CRTC3: variants seen among roughly 807,000 people sequenced by gnomAD.
The protein encoded by CRTC3 is CREB regulated transcription coactivator 3.
A neutral mutation model predicts 74.5 loss-of-function variants in CRTC3; 26 were observed. The observed-to-expected ratio is 0.35, with a 90% CI of 0.26 to 0.48. The LOEUF is 0.48. Ranked by LOEUF, CRTC3 falls within the 20% of genes least tolerant of loss-of-function variation. The pLI is 0.99. For synonymous variants in CRTC3, 377 were observed against 325.8 expected (o/e 1.16, Z -1.69); for missense variants, 760 against 787.3 (o/e 0.97, Z 0.41).
At position 90,642,929 on chromosome 15, in the gene CRTC3, T is replaced by C. The variant is rs1969501675; in HGVS notation, c.*789T>C. 4.3e-6 allele frequency: 1 copy of C among 232,986 alleles called. No homozygotes were observed. The highest frequency in any genetic ancestry group is 1.8e-4 in the South Asian group (1 of 5,538). 14.4% of individuals were successfully genotyped at this position (232,986 alleles called of 1,614,324 possible). A position where few individuals can be genotyped will look rare whatever the true frequency, so the allele number is the denominator to read the frequency against. ...GAAGACAGGGACTGCAGGTGTCTCATACTCAGTGGCCTCCAGACAAACTCC... is the reference window on the plus strand; with the variant it reads ...GAAGACAGGGACTGCAGGTGTCTCACACTCAGTGGCCTCCAGACAAACTCC... On this transcript the variant is annotated 3_prime_UTR_variant, in exon 15 of 15. Transcript: ENST00000268184.
intron 13 of CRTC3, among the ~76,000 whole-genome samples, chr15:90,640,843 G>C (rs1262825467): frequency 6.6e-6 from 1 of 152,100 alleles, no homozygotes; most frequent in African/African-American, 2.4e-5. Context: ...GTGTCTCTTG[G>C]GATGGTGTAG....
intron 7 of CRTC3, among the ~76,000 whole-genome samples, chr15:90,617,308 TTATCCAC>T (rs1447501077): frequency 1.3e-5 from 2 of 152,198 alleles, no homozygotes; most frequent in African/African-American, 4.8e-5. Flanking sequence ...TGTGTTGCCC[TTATCCAC>T]TGACTAGATT....
intron 1 of CRTC3, among the ~76,000 whole-genome samples, chr15:90,539,164 A>G (rs1199615986): frequency 6.6e-6 from 1 of 152,242 alleles, no homozygotes; most frequent in Non-Finnish European, 1.5e-5. Flanking sequence ...GCCAAGGGTT[A>G]TGTAACCATG....
intron 2 of CRTC3, among the ~76,000 whole-genome samples, chr15:90,555,400 G>A (rs114742971): frequency 0.011 from 1,733 of 152,272 alleles, 31 homozygotes; most frequent in African/African-American, 0.04. Flanking sequence ...GGTTTATGAA[G>A]AAAATGCAGA....
At chr15:90,546,028 GAGT>G (rs1567161218) in intron 2 of CRTC3, among the ~76,000 whole-genome samples, 1 of 152,156 alleles carries the variant, frequency 6.6e-6, no homozygotes, top group Non-Finnish European at 1.5e-5. Context: ...AAGTCTCGAA[GAGT>G]AGAAGTTTTA....
At chr15:90,579,416 C>T (rs1967483354) in intron 2 of CRTC3, among the ~76,000 whole-genome samples, 1 of 152,166 alleles carries the variant, frequency 6.6e-6, no homozygotes, top group Non-Finnish European at 1.5e-5. Context: ...TGGCCTGGAA[C>T]ATCCTGGCCC....
At chr15:90,536,124 TTTCTG>T in intron 1 of CRTC3, among the ~76,000 whole-genome samples, 1 of 152,230 alleles carries the variant, frequency 6.6e-6, no homozygotes, top group Non-Finnish European at 1.5e-5. Context: ...TTTAGACTCT[TTTCTG>T]TTCCAGTGAT....
chr15:90,628,756 G>A (rs1968928930), intron 10 of CRTC3, among the ~76,000 whole-genome samples: 1 of 152,014 alleles, frequency 6.6e-6, no homozygotes, highest in African/African-American at 2.4e-5. Context: ...AGTGTGCTAA[G>A]GGTAATTAAA....
rs549307214 is a variant in CRTC3 at position 90,596,466 on chromosome 15, C to T, written c.351+2711C>T. 3.9e-5 allele frequency: 6 copies of T among 152,174 alleles called. 1 individual carries two copies. The highest frequency in any genetic ancestry group is 1.4e-4 in the African/African-American group (6 of 41,502). 9.4% of individuals were successfully genotyped at this position (152,174 alleles called of 1,614,324 possible). A position where few individuals can be genotyped will look rare whatever the true frequency, so the allele number is the denominator to read the frequency against. ...CTCCTAAAGGAAGGAGAAACAAAAACCAAGTTAATATGCAGAGAAATTAAA... is the reference window on the plus strand; with the variant it reads ...CTCCTAAAGGAAGGAGAAACAAAAATCAAGTTAATATGCAGAGAAATTAAA... On this transcript the variant is annotated intron_variant, in intron 3 of 14. Coordinates refer to ENST00000268184, the MANE Select transcript of CRTC3 (RefSeq NM_022769.5).
intron 5 of CRTC3, among the ~76,000 whole-genome samples, chr15:90,605,136 G>A (rs572120647): frequency 1.3e-5 from 2 of 151,780 alleles, no homozygotes; most frequent in South Asian, 4.2e-4. Context: ...CCTGTGGTTC[G>A]AGCTACTCAG....
At chr15:90,561,977 C>G (rs549148655) in intron 2 of CRTC3, among the ~76,000 whole-genome samples, 1 of 152,312 alleles carries the variant, frequency 6.6e-6, no homozygotes, top group African/African-American at 2.4e-5. Context: ...TTTCCCTGCT[C>G]AAAGGCAATA....
intron 2 of CRTC3, among the ~76,000 whole-genome samples, chr15:90,549,212 C>G (rs1966849838): frequency 6.6e-6 from 1 of 151,992 alleles, no homozygotes; most frequent in South Asian, 2.1e-4. Flanking sequence ...TGACTACATG[C>G]TATTCTGTCA....
At chr15:90,604,825 G>T (rs1968173123) in intron 5 of CRTC3, among the ~76,000 whole-genome samples, 1 of 152,152 alleles carries the variant, frequency 6.6e-6, no homozygotes, top group African/African-American at 2.4e-5. Flanking sequence ...ATCACTTTGG[G>T]CCAGACTCCA....
At chr15:90,596,349 G>C (rs942520171) in intron 3 of CRTC3, 1 of 152,250 alleles carries the variant, frequency 6.6e-6, no homozygotes, top group African/African-American at 2.4e-5. Flanking sequence ...AAGGGGAGAT[G>C]ACTTCTTGTG....
At position 90,629,329 on chromosome 15, in the gene CRTC3, C is replaced by G; in HGVS notation, c.1063C>G (p.Pro355Ala). ...SLNNHPQTSV[P>A]NASALHPSLR... is the part of the protein sequence containing the mutation. ...AAATAACCACCCACAGACATCTGTTCCCAACGCATCTGCTCTTCACCCTTC... is the reference window on the plus strand; with the variant it reads ...AAATAACCACCCACAGACATCTGTTGCCAACGCATCTGCTCTTCACCCTTC... The change falls in exon 11 of 15, where the codon CCC becomes GCC. Residue 355 changes from proline to alanine, a missense_variant. Pro to Ala is a conservative substitution (Grantham distance 27). This residue lies in a region of CRTC3 where 652 missense variants were observed against 635.2 expected (regional missense o/e 1.03). Transcript: ENST00000268184. 1 of 1,614,132 alleles carries G rather than the reference C, an allele frequency of 6.2e-7. No individual in the cohort carries two copies.
rs186082506 is a variant in CRTC3, at chr15:90,534,838, G to A, written c.132+4635G>A. On this transcript the variant is annotated intron_variant, in intron 1 of 14. Coordinates refer to ENST00000268184, the MANE Select transcript of CRTC3 (RefSeq NM_022769.5). ...TAGATTCCCTGCTTGGCAGCTGTAG[G>A]CATTTGAGTTTGTTACCCTTGTCAG... Among the ~76,000 whole-genome samples the A allele has an allele frequency of 9.2e-5, 14 of 152,228 alleles. No homozygotes were observed. The East Asian group carries it at 2.5e-3, about 27-fold the overall frequency.
At chr15:90,598,134 A>G (rs1314431310) in intron 3 of CRTC3, 1 of 344,992 alleles carries the variant, frequency 2.9e-6, no homozygotes, top group African/African-American at 2.1e-5. Flanking sequence ...TCCCTGGCAG[A>G]ACACAGAGTT....
chr15:90,604,327 C>T, intron 4 of CRTC3, 58 bp from the exon 5 acceptor site: 2 of 1,378,576 alleles, frequency 1.5e-6, no homozygotes, highest in Non-Finnish European at 2.1e-6. Flanking sequence ...TGCTGAGGCC[C>T]TCCTTTGCTG....
chr15:90,638,181 T>A (rs1969307906), intron 11 of CRTC3: 1 of 419,222 alleles, frequency 2.4e-6, no homozygotes, highest in African/African-American at 2.1e-5. Context: ...CGGAGAAAAC[T>A]GAAAGGAAAT....
Sources: gnomAD v4.1 joint callset for allele counts (sites outside exome capture counted in the v4.1 genomes callset) on GRCh38, gnomAD v4.1.1 for gene constraint, gnomAD v4.1.1 regional missense constraint, MANE v1.5 for transcripts, NCBI Gene and HGNC (gene_info 2026-07-23, HGNC 2026-07-21) for gene names.